The following SGK1 variants were observed in gnomAD, a reference collection of about 807,000 sequenced individuals.
The protein encoded by SGK1 is serine/threonine-protein kinase Sgk1.
In SGK1, 26 loss-of-function variants were observed where a neutral mutation model predicts 64.2. The observed-to-expected ratio is 0.40, with a 90% confidence interval of 0.30 to 0.56. SGK1 has a LOEUF of 0.56. SGK1 is among the 20% of genes least tolerant of loss of function. The pLI is 0.38. For synonymous variants in SGK1, 265 were observed against 239.7 expected, an observed-to-expected ratio of 1.11 and a Z score of -0.98; for missense variants, 519 against 645.6, an observed-to-expected ratio of 0.80 and a Z score of 2.12.
chr6:134,235,441 C>T (rs866126107), intron 2 of SGK1, among the ~76,000 whole-genome samples: 2 of 150,500 alleles, frequency 1.3e-5, no homozygotes, highest in Middle Eastern at 3.2e-3. Context: ...AACTTCAAAC[C>T]CTGTTTAGAA....
At chr6:134,178,564 A>AT (rs1386263468) in intron 3 of SGK1, among the ~76,000 whole-genome samples, 1 of 152,198 alleles carries the variant, frequency 6.6e-6, no homozygotes, top group Non-Finnish European at 1.5e-5. Context: ...TAGTCCTCCT[A>AT]CTGGGAGGAA....
chr6:134,175,789 C>T, intron 3 of SGK1: 2 of 1,330,318 alleles, frequency 1.5e-6, no homozygotes, highest in Non-Finnish European at 1.9e-6. Flanking sequence ...AACAAATGGC[C>T]CTTGTGCACG....
At chr6:134,189,882 C>T (rs1775480696) in intron 3 of SGK1, among the ~76,000 whole-genome samples, 1 of 152,158 alleles carries the variant, frequency 6.6e-6, no homozygotes, top group Admixed American at 6.6e-5. Flanking sequence ...CGGAGTCTCA[C>T]TCTGTCACCC....
chr6:134,298,343 G>C, intron 1 of SGK1: 1 of 1,560,310 alleles, frequency 6.4e-7, no homozygotes, highest in Non-Finnish European at 8.8e-7. Context: ...TTGGTCTCTA[G>C]CATCTTGTTC....
chr6:134,244,773 G>C (rs1029352123), intron 2 of SGK1, among the ~76,000 whole-genome samples: 1 of 152,082 alleles, frequency 6.6e-6, no homozygotes, highest in African/African-American at 2.4e-5. Context: ...CATCTTGCCC[G>C]GGAATCTTAT....
rs1777709941 is a variant in SGK1 at position 134,317,787 on chromosome 6, A to T, written c.-327T>A. ...TGCTGTGGCTCTTACCGAGCGGGAG[A>T]AGGGTACGCCTCCCCGCCCCCAGCT... On this transcript the variant is annotated 5_prime_UTR_variant, in exon 1 of 14. Coordinates refer to ENST00000367858, the MANE Select transcript of SGK1 (RefSeq NM_001143676.3). The T allele has an allele frequency of 3.8e-6, 1 of 262,602 alleles. No homozygotes were observed. The highest frequency in any genetic ancestry group is 7.2e-6 in the Non-Finnish European group (1 of 139,144). 16.3% of individuals were successfully genotyped at this position (262,602 alleles called of 1,614,324 possible).
At chr6:134,213,749 G>C (rs1183198416) in intron 2 of SGK1, among the ~76,000 whole-genome samples, 2 of 152,038 alleles carry the variant, frequency 1.3e-5, no homozygotes, top group African/African-American at 4.8e-5. Context: ...GAATCCACAT[G>C]GGCTCTTTGG....
rs1775147424 is a variant in SGK1 at position 134,174,527 on chromosome 6, A to C, written c.421T>G (p.Ser141Ala). The change falls in exon 4 of 14, where the codon TCC (serine) becomes GCC (alanine). Residue 141 changes from serine to alanine, a missense_variant. Ser to Ala is a moderately conservative substitution (Grantham distance 99). Around this residue, in one of 2 missense-constraint regions of SGK1, gnomAD observed 241 missense variants for 236.9 expected, o/e 1.02. Coordinates refer to ENST00000367858, the MANE Select transcript of SGK1 (RefSeq NM_001143676.3). ...NDFIQKIANN[S>A]YACKHPEVQS... ...CAAACTTACTGTTTGCATGCATAGG[A>C]GTTATTGGCAATCTTCTGAATAAAG... 1 of 1,613,018 alleles carries C rather than the reference A, an allele frequency of 6.2e-7. No individual in the cohort carries two copies. The highest frequency in any genetic ancestry group is 8.5e-7 in the Non-Finnish European group (1 of 1,178,970).
intron 1 of SGK1, among the ~76,000 whole-genome samples, chr6:134,268,186 T>C (rs1776882146): frequency 1.3e-5 from 2 of 152,250 alleles, no homozygotes; most frequent in South Asian, 2.1e-4. Context: ...AGGCTGCGGA[T>C]TGCTTTACTG....
chr6:134,184,940 C>T (rs924782244), intron 3 of SGK1, among the ~76,000 whole-genome samples: 1 of 152,218 alleles, frequency 6.6e-6, no homozygotes, highest in South Asian at 2.1e-4. Flanking sequence ...ACACCTAAGC[C>T]TCCCAAAGTG....
At chr6:134,201,825 G>C (rs1775689313) in intron 3 of SGK1, among the ~76,000 whole-genome samples, 1 of 152,176 alleles carries the variant, frequency 6.6e-6, no homozygotes, top group Non-Finnish European at 1.5e-5. Flanking sequence ...GCTCAAGCTT[G>C]TGTTTGCACT....
intron 1 of SGK1, among the ~76,000 whole-genome samples, chr6:134,287,047 C>A (rs1428953053): frequency 1.3e-5 from 2 of 152,138 alleles, no homozygotes; most frequent in Admixed American, 1.3e-4. Context: ...TCTTGGCTCA[C>A]TGCTACCCCC....
At chr6:134,241,651 C>T (rs1405825882) in intron 2 of SGK1, among the ~76,000 whole-genome samples, 1 of 151,882 alleles carries the variant, frequency 6.6e-6, no homozygotes, top group South Asian at 2.1e-4. Context: ...GATGGAGTCT[C>T]GCTCTGTCAC....
chr6:134,310,923 T>C (rs1353538507), intron 1 of SGK1, among the ~76,000 whole-genome samples: 1 of 152,206 alleles, frequency 6.6e-6, no homozygotes, highest in African/African-American at 2.4e-5. Context: ...TTCATATTAA[T>C]GCAAAATAAA....
intron 3 of SGK1, among the ~76,000 whole-genome samples, chr6:134,184,190 C>T (rs552176304): frequency 3.9e-5 from 6 of 152,088 alleles, no homozygotes; most frequent in Admixed American, 2.0e-4. Flanking sequence ...TCTTGTCATT[C>T]GGATCTCCCA....
rs1053881481 is a variant in SGK1, at chr6:134,172,647, A to T, written c.947+15T>A. 2.7e-6 allele frequency: 4 copies of T among 1,486,270 alleles called. No individual in the cohort carries two copies. The highest frequency in any genetic ancestry group is 1.4e-5 in the African/African-American group (1 of 72,462). 92.1% of individuals were successfully genotyped at this position (1,486,270 alleles called of 1,614,324 possible). A position where few individuals can be genotyped will look rare whatever the true frequency, so the allele number is the denominator to read the frequency against. On this transcript the variant is annotated intron_variant, in intron 9 of 13. Transcript: ENST00000367858. The stretch of plus-strand genomic sequence containing the variant: ...TTATACCAAAACTGGTAGCCTGAAG[A>T]GCTCTCAGGCTTACCTATAAACGAT...
chr6:134,297,023 G>A (rs1390648273), intron 1 of SGK1: 26 of 439,120 alleles, frequency 5.9e-5, no homozygotes, highest in Non-Finnish European at 1.1e-4. Context: ...CAGAGGACTT[G>A]GACACCAGCT....
At chr6:134,191,769 A>G (rs1286548246) in intron 3 of SGK1, among the ~76,000 whole-genome samples, 2 of 150,500 alleles carry the variant, frequency 1.3e-5, no homozygotes, top group South Asian at 4.2e-4. Context: ...CCTGGGTTCA[A>G]TGGATTCTCC....
intron 2 of SGK1, chr6:134,260,057 G>A (rs1776740704): frequency 6.6e-6 from 1 of 152,076 alleles, no homozygotes; most frequent in South Asian, 2.1e-4. Context: ...AATAACCGTA[G>A]AAAGTAGACA....
Sources: allele counts gnomAD v4.1 joint callset (sites outside exome capture counted in the v4.1 genomes callset), GRCh38; gene constraint gnomAD v4.1.1; regional missense constraint gnomAD v4.1.1; transcripts MANE v1.5; gene names NCBI Gene and HGNC (gene_info 2026-07-23, HGNC 2026-07-21).